NXPE4: variants seen among roughly 807,000 people sequenced by gnomAD.
NXPE4 encodes the protein neurexophilin and PC-esterase domain family member 4, also known as NXPE family member 4.
A neutral mutation model predicts 33.3 loss-of-function variants in NXPE4; 42 were observed. The ratio of observed to expected loss-of-function variants is 1.26; its 90% CI spans 0.98 to 1.63. The LOEUF is 1.63. NXPE4 is among the 40% of genes most tolerant of loss of function. The pLI is 0.00. For missense variants in NXPE4, 709 were observed against 647.6 expected, an observed-to-expected ratio of 1.09 and a Z score of -1.03; for synonymous variants, 253 against 234.9, an observed-to-expected ratio of 1.08 and a Z score of -0.71.
the NXPE4 span, among the ~76,000 whole-genome samples, chr11:114,620,359 G>A: frequency 2.7e-4 from 41 of 150,434 alleles, no homozygotes; most frequent in African/African-American, 6.8e-4. Flanking sequence ...CACTGTTACC[G>A]GTGGAAAATA....
the NXPE4 span, among the ~76,000 whole-genome samples, chr11:114,645,288 G>A: frequency 2.6e-5 from 4 of 152,066 alleles, no homozygotes; most frequent in Middle Eastern, 3.2e-3. Context: ...GTGACAGAGT[G>A]AGACTCCATC....
chr11:114,614,848 G>A, the NXPE4 span, among the ~76,000 whole-genome samples: 1 of 151,850 alleles, frequency 6.6e-6, no homozygotes, highest in African/African-American at 2.4e-5. Context: ...AACAAGTGTT[G>A]CCTTATGGGT....
rs1399166533 is a variant in NXPE4, at chr11:114,594,690, A to G, written c.70T>C (p.Phe24Leu). 6.2e-7 allele frequency: 1 copy of G among 1,602,836 alleles called. No individual in the cohort carries two copies. ...TTTGTGGAGTTCTGGAAAACTGTAA[A>G]AATGATCCAGGAGGCTAATATAAAC... ...LLFILASWII[F>L]TVFQNSTKVW... The change falls in exon 2 of 6, where the codon TTT (phenylalanine) becomes CTT (leucine). Residue 24 changes from phenylalanine to leucine, a missense_variant. Physicochemically the swap from Phe to Leu is conservative, Grantham distance 22. Coordinates refer to ENST00000375478, the MANE Select transcript of NXPE4 (RefSeq NM_001077639.2).
the NXPE4 span, among the ~76,000 whole-genome samples, chr11:114,675,256 A>T: frequency 6.6e-6 from 1 of 151,552 alleles, no homozygotes; most frequent in Non-Finnish European, 1.5e-5. Flanking sequence ...GAGGAATAAG[A>T]GGATACCCAC....
the NXPE4 span, among the ~76,000 whole-genome samples, chr11:114,638,737 C>A: frequency 8.6e-5 from 13 of 151,916 alleles, no homozygotes; most frequent in Non-Finnish European, 1.9e-4. Context: ...TACTCCAGAC[C>A]CTGTTTGCCT....
At chr11:114,623,512 G>GT in the NXPE4 span, among the ~76,000 whole-genome samples, 1 of 151,982 alleles carries the variant, frequency 6.6e-6, no homozygotes, top group Non-Finnish European at 1.5e-5. Flanking sequence ...TGGATAATAA[G>GT]TATTCCCTCG....
the NXPE4 span, among the ~76,000 whole-genome samples, chr11:114,612,109 T>A: frequency 6.6e-6 from 1 of 151,890 alleles, no homozygotes; most frequent in Non-Finnish European, 1.5e-5. Flanking sequence ...GGGTAACCAC[T>A]GTTACCTGGT....
At chr11:114,632,228 T>A in the NXPE4 span, among the ~76,000 whole-genome samples, 12 of 140,538 alleles carry the variant, frequency 8.5e-5, 1 homozygote, top group African/African-American at 3.1e-4. Flanking sequence ...TGTATATATG[T>A]ATAATATATA....
the NXPE4 span, among the ~76,000 whole-genome samples, chr11:114,632,289 T>A: frequency 7.2e-6 from 1 of 138,338 alleles, no homozygotes; most frequent in Non-Finnish European, 1.5e-5. Context: ...TATATATGTA[T>A]ATTATCCACC....
chr11:114,587,859 G>A (rs1949343991), intron 2 of NXPE4, among the ~76,000 whole-genome samples: 1 of 152,174 alleles, frequency 6.6e-6, no homozygotes, highest in Non-Finnish European at 1.5e-5. Context: ...AAGAAAAAGT[G>A]GCTCATTTTC....
At chr11:114,602,930 A>C in the NXPE4 span, among the ~76,000 whole-genome samples, 1 of 149,456 alleles carries the variant, frequency 6.7e-6, no homozygotes, top group Non-Finnish European at 1.5e-5. Flanking sequence ...AATCTAATAT[A>C]TAATTACAGA....
At chr11:114,613,904 G>C in the NXPE4 span, among the ~76,000 whole-genome samples, 1 of 152,038 alleles carries the variant, frequency 6.6e-6, no homozygotes, top group African/African-American at 2.4e-5. Flanking sequence ...TGCCTCGTGG[G>C]TAACCACTGT....
the NXPE4 span, among the ~76,000 whole-genome samples, chr11:114,638,836 G>T: frequency 6.6e-6 from 1 of 151,818 alleles, no homozygotes; most frequent in Admixed American, 6.6e-5. Flanking sequence ...TTTTGTCTCA[G>T]TGGAGTACCC....
the NXPE4 span, among the ~76,000 whole-genome samples, chr11:114,628,165 T>C: frequency 5.6e-5 from 8 of 143,856 alleles, no homozygotes; most frequent in African/African-American, 1.4e-4. Context: ...CTGCACCAAG[T>C]GGACCTAATA....
the NXPE4 span, among the ~76,000 whole-genome samples, chr11:114,602,525 TATG>T: frequency 7.2e-5 from 10 of 138,380 alleles, no homozygotes; most frequent in South Asian, 2.3e-4. Context: ...TTATACCACA[TATG>T]ATAATTATCT....
the NXPE4 span, among the ~76,000 whole-genome samples, chr11:114,645,880 T>C: frequency 6.6e-6 from 1 of 152,144 alleles, no homozygotes; most frequent in African/African-American, 2.4e-5. Flanking sequence ...TTGATAAGTA[T>C]TTGGCATAAT....
chr11:114,572,229 A>G (rs909027993), intron 5 of NXPE4, among the ~76,000 whole-genome samples: 1 of 152,128 alleles, frequency 6.6e-6, no homozygotes, highest in Admixed American at 6.5e-5. Flanking sequence ...CAGCCCTTGA[A>G]TCCCAGATCT....
the NXPE4 span, among the ~76,000 whole-genome samples, chr11:114,612,651 C>T: frequency 8.5e-4 from 129 of 151,750 alleles, 1 homozygote; most frequent in East Asian, 0.014. Context: ...TGGGTAACCA[C>T]GGTTACCCAG....
the NXPE4 span, among the ~76,000 whole-genome samples, chr11:114,604,818 G>A: frequency 6.6e-6 from 1 of 151,182 alleles, no homozygotes; most frequent in East Asian, 2.0e-4. Context: ...ACTGTTACCT[G>A]GTGGATAATA....
Sources: allele counts gnomAD v4.1 joint callset (sites outside exome capture counted in the v4.1 genomes callset), GRCh38; gene constraint gnomAD v4.1.1; transcripts MANE v1.5; gene names NCBI Gene and HGNC (gene_info 2026-07-23, HGNC 2026-07-21).